Variants in ATXN7 observed in about 807,000 individuals in gnomAD.
ATXN7 encodes the protein ataxin 7.
ATXN7 carries 12 observed loss-of-function variants against 70.5 expected under a neutral mutation model. That is an observed-to-expected ratio of 0.17 (90% CI 0.11 to 0.28). ATXN7 has a LOEUF of 0.28. ATXN7 is among the 10% of genes least tolerant of loss of function. The pLI is 1.00. For missense variants in ATXN7, 1,256 were observed against 1,131.7 expected, an observed-to-expected ratio of 1.11 and a Z score of -1.58; for synonymous variants, 498 against 448.7, an observed-to-expected ratio of 1.11 and a Z score of -1.39.
intron 2 of ATXN7, among the ~76,000 whole-genome samples, chr3:63,909,814 A>G (rs564970417): frequency 2.0e-5 from 3 of 152,328 alleles, no homozygotes; most frequent in African/African-American, 2.4e-5. Flanking sequence ...ATGCCCGTCA[A>G]TCTCTTGTCT....
At chr3:63,956,931 G>C (rs2075049340) in intron 5 of ATXN7, among the ~76,000 whole-genome samples, 1 of 152,166 alleles carries the variant, frequency 6.6e-6, no homozygotes, top group Admixed American at 6.6e-5. Flanking sequence ...ATTCTTTTGA[G>C]GTGGGAATCT....
intron 1 of ATXN7, among the ~76,000 whole-genome samples, chr3:63,895,051 T>G (rs938525221): frequency 2.6e-5 from 4 of 152,212 alleles, no homozygotes; most frequent in African/African-American, 9.7e-5. Context: ...GCTCCTTTTC[T>G]TCCCTGTTAT....
intron 12 of ATXN7, chr3:63,997,801 G>T (rs972668581): frequency 1.4e-6 from 2 of 1,476,910 alleles, no homozygotes; most frequent in Admixed American, 2.6e-5. Context: ...TAGTATTTTC[G>T]TAGTGTGATA....
chr3:63,958,911 A>T (rs1477740388), intron 5 of ATXN7, among the ~76,000 whole-genome samples: 2 of 152,184 alleles, frequency 1.3e-5, no homozygotes, highest in Admixed American at 6.5e-5. Context: ...CATGATAAGG[A>T]TGTATAGAGT....
At chr3:63,888,405 A>C (rs773599675) in intron 1 of ATXN7, among the ~76,000 whole-genome samples, 49 of 152,346 alleles carry the variant, frequency 3.2e-4, no homozygotes, top group Non-Finnish European at 5.0e-4. Flanking sequence ...CTTAAAGTAC[A>C]TATATGGTTC....
At chr3:63,910,356 T>C (rs1257895137) in intron 2 of ATXN7, among the ~76,000 whole-genome samples, 1 of 152,250 alleles carries the variant, frequency 6.6e-6, no homozygotes, top group African/African-American at 2.4e-5. Context: ...TATGGCTTGG[T>C]GGCCGCAAGC....
intron 1 of ATXN7, among the ~76,000 whole-genome samples, chr3:63,894,979 A>G (rs1343677196): frequency 6.6e-6 from 1 of 151,872 alleles, no homozygotes; most frequent in South Asian, 2.1e-4. Flanking sequence ...TCCTCCCCCA[A>G]CAAGCTCTGA....
intron 5 of ATXN7, among the ~76,000 whole-genome samples, chr3:63,968,814 A>G (rs17401592): frequency 0.11 from 16,188 of 152,222 alleles, 1,059 homozygotes; most frequent in Middle Eastern, 0.16. Flanking sequence ...TGAGGTGTCA[A>G]TTGAGTTCTT....
At chr3:63,983,619 A>G (rs1213729002) in intron 8 of ATXN7, among the ~76,000 whole-genome samples, 1 of 149,200 alleles carries the variant, frequency 6.7e-6, no homozygotes, top group East Asian at 2.0e-4. Context: ...CTTTTAAGAG[A>G]AAAAAAAAAC....
At chr3:63,924,425 C>CATGGAAAGTCGTGGGACA (rs1704635938) in intron 4 of ATXN7, among the ~76,000 whole-genome samples, 1 of 151,778 alleles carries the variant, frequency 6.6e-6, no homozygotes, top group Admixed American at 6.6e-5. Context: ...GTCGTGGGAC[C>CATGGAAAGTCGTGGGACA]TAGGTTTGTT....
At chr3:63,992,077 G>A (rs939127181) in intron 11 of ATXN7, among the ~76,000 whole-genome samples, 19 of 152,116 alleles carry the variant, frequency 1.2e-4, no homozygotes, top group Admixed American at 4.6e-4. Flanking sequence ...TCCTCTGTTT[G>A]GGCATTATTT....
intron 1 of ATXN7, among the ~76,000 whole-genome samples, chr3:63,869,677 G>A (rs745345094): frequency 3.3e-5 from 5 of 152,086 alleles, no homozygotes; most frequent in Non-Finnish European, 7.4e-5. Flanking sequence ...CACCTGCCTC[G>A]GCCTCCCAAA....
chr3:63,926,331 G>A (rs1307021628), intron 4 of ATXN7, among the ~76,000 whole-genome samples: 4 of 152,138 alleles, frequency 2.6e-5, no homozygotes, highest in Admixed American at 6.5e-5. Flanking sequence ...AAAAGATGAA[G>A]TATGGGAAAT....
chr3:63,950,925 A>G (rs1266983307), intron 4 of ATXN7, among the ~76,000 whole-genome samples: 2 of 152,148 alleles, frequency 1.3e-5, no homozygotes, highest in Non-Finnish European at 2.9e-5. Flanking sequence ...GACTCTCTAG[A>G]TATCATTATT....
chr3:63,880,598 C>T (rs1702879900), intron 1 of ATXN7, among the ~76,000 whole-genome samples: 1 of 152,158 alleles, frequency 6.6e-6, no homozygotes, highest in African/African-American at 2.4e-5. Flanking sequence ...CTTGAACTTG[C>T]TGTTCTTCCT....
intron 12 of ATXN7, among the ~76,000 whole-genome samples, chr3:63,997,159 G>A (rs2075773758): frequency 6.6e-6 from 1 of 152,140 alleles, no homozygotes. Context: ...TCAGGAGGTG[G>A]AGGCAGGAGA....
chr3:63,998,004 A>C (rs973742200), intron 12 of ATXN7: 3 of 985,298 alleles, frequency 3.0e-6, no homozygotes, highest in Admixed American at 6.1e-5. Context: ...GTTTATAAGC[A>C]TAACAGTCCA....
chr3:63,924,774 G>GGCAA (rs750137363), intron 4 of ATXN7, among the ~76,000 whole-genome samples: 4 of 152,094 alleles, frequency 2.6e-5, no homozygotes, highest in Non-Finnish European at 4.4e-5. Context: ...AAGTGGAGAG[G>GGCAA]GCAAGTATGG....
intron 1 of ATXN7, among the ~76,000 whole-genome samples, chr3:63,868,289 T>C (rs1702493875): frequency 6.6e-6 from 1 of 152,238 alleles, no homozygotes; most frequent in Non-Finnish European, 1.5e-5. Context: ...TTTGGTTTCC[T>C]TTATTCACTG....
Sources: gnomAD v4.1 joint callset for allele counts (sites outside exome capture counted in the v4.1 genomes callset) on GRCh38, gnomAD v4.1.1 for gene constraint, MANE v1.5 for transcripts, NCBI Gene and HGNC (gene_info 2026-07-23, HGNC 2026-07-21) for gene names.